Variants in SSBP3 observed in about 807,000 individuals in gnomAD.
SSBP3 encodes the protein single-stranded DNA-binding protein 3.
A neutral mutation model predicts 69.6 loss-of-function variants in SSBP3; 5 were observed. The ratio of observed to expected loss-of-function variants is 0.07; its 90% CI spans 0.04 to 0.15. SSBP3 has a LOEUF of 0.15. Ranked by LOEUF, SSBP3 falls within the 10% of genes least tolerant of loss-of-function variation. SSBP3 has a pLI of 1.00. For synonymous variants in SSBP3, 196 were observed against 193.4 expected, an observed-to-expected ratio of 1.01 and a Z score of -0.11; for missense variants, 312 against 534.0, an observed-to-expected ratio of 0.58 and a Z score of 4.10.
chr1:54,327,239 AGG>A (rs1646324306), intron 4 of SSBP3, among the ~76,000 whole-genome samples: 2 of 151,034 alleles, frequency 1.3e-5, no homozygotes, highest in African/African-American at 4.9e-5. Context: ...GAAGGAAGGA[AGG>A]AAGGAAGGAA....
chr1:54,396,576 C>T (rs963088578), intron 4 of SSBP3, among the ~76,000 whole-genome samples: 3 of 152,118 alleles, frequency 2.0e-5, no homozygotes, highest in Admixed American at 6.5e-5. Context: ...GTTCCCCACT[C>T]GAGACCCTGC....
chr1:54,341,017 C>CCT (rs1326728507), intron 4 of SSBP3, among the ~76,000 whole-genome samples: 1 of 152,382 alleles, frequency 6.6e-6, no homozygotes, highest in Non-Finnish European at 1.5e-5. Flanking sequence ...GTTCCTCAAG[C>CCT]CTCCATTCCC....
intron 4 of SSBP3, among the ~76,000 whole-genome samples, chr1:54,373,738 G>A (rs1396382144): frequency 6.6e-6 from 1 of 150,508 alleles, no homozygotes; most frequent in Non-Finnish European, 1.5e-5. Context: ...CTGCACTCCA[G>A]CCTGGGTGAC....
intron 5 of SSBP3, among the ~76,000 whole-genome samples, chr1:54,259,053 G>A (rs1644972319): frequency 6.6e-6 from 1 of 152,100 alleles, no homozygotes; most frequent in Non-Finnish European, 1.5e-5. Context: ...TGCATGAAGG[G>A]TGGGGACCCC....
At chr1:54,264,807 GGTT>G (rs980087782) in intron 5 of SSBP3, among the ~76,000 whole-genome samples, 7 of 152,160 alleles carry the variant, frequency 4.6e-5, no homozygotes, top group Admixed American at 1.3e-4. Flanking sequence ...TGAGGTTTTA[GGTT>G]GTTAAGAGAT....
chr1:54,390,707 G>A (rs777348693), intron 4 of SSBP3, among the ~76,000 whole-genome samples: 28 of 152,254 alleles, frequency 1.8e-4, no homozygotes, highest in Admixed American at 9.2e-4. Context: ...TCCCTGTCAT[G>A]CTGTAAAATC....
At chr1:54,236,812 A>C (rs2100605845) in intron 14 of SSBP3, 1 of 152,344 alleles carries the variant, frequency 6.6e-6, no homozygotes, top group South Asian at 2.1e-4. Flanking sequence ...GGAAACCGAA[A>C]GGTGACCCAA....
chr1:54,280,736 A>G (rs1187064975), intron 5 of SSBP3, among the ~76,000 whole-genome samples: 1 of 152,194 alleles, frequency 6.6e-6, no homozygotes, highest in Admixed American at 6.5e-5. Context: ...CGGCGCAGAG[A>G]GGGTGGCAGC....
chr1:54,379,902 C>T (rs752676293), intron 4 of SSBP3, among the ~76,000 whole-genome samples: 25 of 152,210 alleles, frequency 1.6e-4, no homozygotes, highest in African/African-American at 5.3e-4. Context: ...TTCTAAAACA[C>T]GAGGCTTTCA....
chr1:54,255,482 T>C (rs929946569), intron 7 of SSBP3: 1 of 152,106 alleles, frequency 6.6e-6, no homozygotes, highest in Non-Finnish European at 1.5e-5. Context: ...GGGGCAGGAA[T>C]CTTACATCTG....
chr1:54,373,782 A>C (rs1480078408), intron 4 of SSBP3, among the ~76,000 whole-genome samples: 3 of 151,102 alleles, frequency 2.0e-5, no homozygotes, highest in East Asian at 2.0e-4. Context: ...AAAAAAAAAA[A>C]AAAACAGGAA....
intron 4 of SSBP3, among the ~76,000 whole-genome samples, chr1:54,338,190 C>T (rs1308940050): frequency 2.6e-5 from 4 of 152,250 alleles, no homozygotes; most frequent in African/African-American, 9.6e-5. Flanking sequence ...TGTCCCTCTC[C>T]TGTGTTCACA....
chr1:54,230,828 C>G (rs1644368333), intron 14 of SSBP3, among the ~76,000 whole-genome samples: 1 of 152,154 alleles, frequency 6.6e-6, no homozygotes, highest in Non-Finnish European at 1.5e-5. Flanking sequence ...TCAGTGTTGT[C>G]ACATCAATCA....
intron 9 of SSBP3, among the ~76,000 whole-genome samples, chr1:54,249,611 A>G (rs1404857787): frequency 6.6e-6 from 1 of 152,124 alleles, no homozygotes; most frequent in Non-Finnish European, 1.5e-5. Context: ...TGTGGTGAGC[A>G]GAGATGATGC....
chr1:54,239,211 T>A lies in SSBP3; in HGVS notation c.857-12A>T. 6.3e-7 allele frequency: 1 copy of A among 1,599,606 alleles called. No individual in the cohort carries two copies. The highest frequency in any genetic ancestry group is 8.5e-7 in the Non-Finnish European group (1 of 1,173,070). On this transcript the variant is annotated splice_polypyrimidine_tract_variant and intron_variant, in intron 13 of 17. Transcript: ENST00000610401. ...GGAATTTGTTGAATCTGTAGAACAGTGGAAACCCACAAGTCGGGGTGATTA... is the reference window on the plus strand; with the variant it reads ...GGAATTTGTTGAATCTGTAGAACAGAGGAAACCCACAAGTCGGGGTGATTA...
In SSBP3 at chr1:54,258,021, C is replaced by T; in HGVS notation, c.447+48G>A. 1 of 1,540,580 alleles carries T rather than the reference C, an allele frequency of 6.5e-7. No individual in the cohort carries two copies. Among genetic ancestry groups the T allele is most frequent in the Non-Finnish European group, 8.8e-7 (1 of 1,138,706 alleles). ...TTTTCCTCTGCGGGCTCTCTGCTTC[C>T]TCCGCGCCCCGCGTCCCCGGCGGGC... On this transcript the variant is annotated intron_variant, in intron 6 of 17. Transcript: ENST00000610401. This position sits in a 1 kb window ranked among gnomAD's most constrained non-coding sequence, Gnocchi z 4.5.
chr1:54,409,987 C>A (rs1046994093), upstream of SSBP3, among the ~76,000 whole-genome samples: 1 of 152,236 alleles, frequency 6.6e-6, no homozygotes, highest in Admixed American at 6.5e-5. Context: ...CCAGATCCCC[C>A]CTCTGAACTC....
intron 4 of SSBP3, among the ~76,000 whole-genome samples, chr1:54,394,259 T>C (rs1396738505): frequency 3.9e-5 from 6 of 152,196 alleles, no homozygotes; most frequent in African/African-American, 1.4e-4. Flanking sequence ...GCATGTTTCT[T>C]TAGCTACTTG....
At chr1:54,410,819 T>A (rs892763849), upstream of SSBP3, among the ~76,000 whole-genome samples, 4 of 152,204 alleles carry the variant, frequency 2.6e-5, no homozygotes, top group African/African-American at 4.8e-5. Flanking sequence ...GGGAATCGCC[T>A]ACTAGGCTAT....
Sources: gnomAD v4.1 joint callset for allele counts (sites outside exome capture counted in the v4.1 genomes callset) on GRCh38, gnomAD v4.1.1 for gene constraint, Gnocchi (gnomAD v3.1) non-coding constraint, MANE v1.5 for transcripts, NCBI Gene and HGNC (gene_info 2026-07-23, HGNC 2026-07-21) for gene names.